PDE1A: variants seen among roughly 807,000 people sequenced by gnomAD.
PDE1A encodes phosphodiesterase 1A.
Under a neutral mutation model 61.7 loss-of-function variants are expected in PDE1A, and 35 were observed. The ratio of observed to expected loss-of-function variants is 0.57; its 90% CI spans 0.43 to 0.75. The LOEUF (loss-of-function observed/expected upper bound fraction) is 0.75, where lower values mean the gene tolerates loss of function less well. Ranked by LOEUF, PDE1A falls within the 30% of genes least tolerant of loss-of-function variation. PDE1A has a pLI of 0.00. For missense variants in PDE1A, 597 were observed against 630.6 expected, an observed-to-expected ratio of 0.95 and a Z score of 0.57; for synonymous variants, 232 against 213.2, an observed-to-expected ratio of 1.09 and a Z score of -0.77.
intron 1 of PDE1A, 83 bp from the exon 2 acceptor site, chr2:182,264,497 TCA>T: frequency 2.2e-6 from 2 of 895,454 alleles, no homozygotes; most frequent in Non-Finnish European, 3.5e-6. Context: ...TTAAATACAC[TCA>T]GTTAAGATTT....
rs541894578 is a variant in PDE1A, at chr2:182,501,019, T to G, written c.101+21257A>C. ...TTTCAACCAAAACGAACTTCAGTCT[T>G]GGTAACAAAATCATCAGAAAAAGGA... On this transcript the variant is annotated intron_variant, in intron 2 of 14. Coordinates refer to the PDE1A transcript ENST00000410103. Among the ~76,000 whole-genome samples, 12 of 152,350 alleles carry G rather than the reference T, an allele frequency of 7.9e-5. No individual in the cohort carries two copies. The South Asian group carries it at 2.5e-3, about 32-fold the overall frequency.
intron 1 of PDE1A, among the ~76,000 whole-genome samples, chr2:182,361,533 G>A (rs1354858160): frequency 2.6e-5 from 4 of 151,952 alleles, no homozygotes; most frequent in African/African-American, 9.7e-5. Flanking sequence ...TAGAGGATAA[G>A]GAAAAAATAT....
At chr2:182,337,224 G>T (rs1438075) in intron 1 of PDE1A, among the ~76,000 whole-genome samples, 151,263 of 152,184 alleles carry the variant, frequency 0.99, 75,179 homozygotes, top group Middle Eastern at 1. Context: ...AGAAAAAGAT[G>T]GAAAGATTGT....
intron 2 of PDE1A, among the ~76,000 whole-genome samples, chr2:182,501,000 C>G (rs891842578): frequency 1.3e-5 from 2 of 152,122 alleles, no homozygotes; most frequent in East Asian, 1.9e-4. Flanking sequence ...AAAATTTCAA[C>G]CAAAACGAAC....
At chr2:182,241,567 G>T (rs1263782918) in intron 2 of PDE1A, among the ~76,000 whole-genome samples, 2 of 152,184 alleles carry the variant, frequency 1.3e-5, no homozygotes, top group Non-Finnish European at 2.9e-5. Context: ...GTAATATGCA[G>T]GAGAGGAACT....
At chr2:182,543,526 A>C in the PDE1A span, among the ~76,000 whole-genome samples, 1 of 152,194 alleles carries the variant, frequency 6.6e-6, no homozygotes, top group South Asian at 2.1e-4. Flanking sequence ...GGAACAGGGG[A>C]TGCCTACATT....
upstream of PDE1A, among the ~76,000 whole-genome samples, chr2:182,526,222 C>T (rs1690772145): frequency 6.6e-6 from 1 of 151,948 alleles, no homozygotes; most frequent in African/African-American, 2.4e-5. Flanking sequence ...CTTAAAACTT[C>T]CAGACCAAAA....
At chr2:182,377,288 C>G (rs555053992) in intron 1 of PDE1A, among the ~76,000 whole-genome samples, 2 of 152,136 alleles carry the variant, frequency 1.3e-5, no homozygotes, top group African/African-American at 4.8e-5. Context: ...TAGAAGTGTG[C>G]AGCACCTACA....
intron 1 of PDE1A, among the ~76,000 whole-genome samples, chr2:182,344,571 T>C (rs833167): frequency 0.99 from 151,157 of 152,304 alleles, 75,016 homozygotes; most frequent in Middle Eastern, 1. Context: ...TGTCAATACT[T>C]ATGGTTATTT....
At chr2:182,610,087 CAA>C in the PDE1A span, among the ~76,000 whole-genome samples, 21 of 127,232 alleles carry the variant, frequency 1.7e-4, no homozygotes, top group Non-Finnish European at 2.0e-4. Flanking sequence ...GACTCTATCT[CAA>C]AAAAAAAAAA....
In PDE1A at chr2:182,339,771, A is replaced by T. The variant is rs566593078; in HGVS notation, c.54-75357T>A. On this transcript the variant is annotated intron_variant, in intron 1 of 13. Coordinates refer to ENST00000351439, the Ensembl canonical transcript of PDE1A. ...CTCATAATCTCTTGTAGAGCATTTT[A>T]AAAATATTAACACTCCATGAAATTT... Among the ~76,000 whole-genome samples the T allele has an allele frequency of 2.4e-4, 37 of 152,312 alleles. No individual in the cohort carries two copies. In the South Asian group the frequency reaches 6.6e-3, roughly 27 times the overall value.
chr2:182,361,142 G>C (rs963835247), intron 1 of PDE1A, among the ~76,000 whole-genome samples: 1 of 152,094 alleles, frequency 6.6e-6, no homozygotes. Context: ...GAGTGATAGT[G>C]TAAAGATCTG....
intron 1 of PDE1A, among the ~76,000 whole-genome samples, chr2:182,286,481 T>A (rs891565196): frequency 3.9e-5 from 6 of 152,148 alleles, no homozygotes; most frequent in Non-Finnish European, 5.9e-5. Context: ...AGAGGTAAAA[T>A]CCTCAATCCA....
chr2:182,286,291 G>A (rs189210501), intron 1 of PDE1A, among the ~76,000 whole-genome samples: 59 of 152,090 alleles, frequency 3.9e-4, no homozygotes, highest in Admixed American at 5.9e-4. Context: ...AGCAACTTAG[G>A]GGTCCTCCCT....
the PDE1A span, among the ~76,000 whole-genome samples, chr2:182,535,035 G>A: frequency 1.4e-5 from 2 of 147,740 alleles, no homozygotes; most frequent in Non-Finnish European, 3.0e-5. Context: ...AAATTTTTCT[G>A]CTGCCTTCAT....
At chr2:182,353,550 A>G (rs1699009694) in intron 1 of PDE1A, among the ~76,000 whole-genome samples, 1 of 152,106 alleles carries the variant, frequency 6.6e-6, no homozygotes, top group South Asian at 2.1e-4. Context: ...GTTCCCTTCT[A>G]ATTCTAAGAC....
chr2:182,571,776 G>A, the PDE1A span, among the ~76,000 whole-genome samples: 4 of 152,036 alleles, frequency 2.6e-5, no homozygotes, highest in South Asian at 2.1e-4. Flanking sequence ...TCAGGTCTCC[G>A]GTGTAGTAGC....
chr2:182,201,670 A>G lies in PDE1A; in HGVS notation c.1004+18T>C. 1 of 1,522,326 alleles carries G rather than the reference A, an allele frequency of 6.6e-7. No individual in the cohort carries two copies. The highest frequency in any genetic ancestry group is 8.9e-7 in the Non-Finnish European group (1 of 1,123,752). The allele number at this position is 1,522,326 out of a possible 1,614,324, so 94.3% of individuals were successfully genotyped here. On this transcript the variant is annotated intron_variant, in intron 9 of 13. Coordinates refer to ENST00000351439, the Ensembl canonical transcript of PDE1A. ...CATGACAAAAAAAAAAAAACAACAA[A>G]AAAAACACAAAACCTACCCTTCAGG...
chr2:182,682,139 C>T, the PDE1A span, among the ~76,000 whole-genome samples: 1 of 152,156 alleles, frequency 6.6e-6, no homozygotes, highest in Non-Finnish European at 1.5e-5. Flanking sequence ...TGTGAACTTC[C>T]ATATGCCTTT....
Sources: gnomAD v4.1 joint callset for allele counts (sites outside exome capture counted in the v4.1 genomes callset) on GRCh38, gnomAD v4.1.1 for gene constraint, MANE v1.5 for transcripts, NCBI Gene and HGNC (gene_info 2026-07-23, HGNC 2026-07-21) for gene names.